The following PTP4A2 variants were observed in gnomAD, a reference collection of about 807,000 sequenced individuals.
PTP4A2 encodes protein tyrosine phosphatase 4A2, also known as protein tyrosine phosphatase type IVA 2.
A neutral mutation model predicts 22.9 loss-of-function variants in PTP4A2; 2 were observed. That is an observed-to-expected ratio of 0.09 (90% CI 0.04 to 0.27). PTP4A2 has a LOEUF of 0.27. PTP4A2 is among the 10% of genes least tolerant of loss of function. The pLI is 1.00. For missense variants in PTP4A2, 103 were observed against 205.1 expected, an observed-to-expected ratio of 0.50 and a Z score of 3.04; for synonymous variants, 68 against 69.1, an observed-to-expected ratio of 0.98 and a Z score of 0.08.
intron 1 of PTP4A2, chr1:31,921,625 G>C (rs767133406): frequency 2.6e-5 from 4 of 152,094 alleles, no homozygotes; most frequent in Non-Finnish European, 5.9e-5. Context: ...CTGGAAAAAG[G>C]GACAAAGCTT....
At chr1:31,928,201 A>G (rs962333538) in intron 1 of PTP4A2, among the ~76,000 whole-genome samples, 2 of 143,256 alleles carry the variant, frequency 1.4e-5, no homozygotes, top group African/African-American at 5.1e-5. Context: ...ACATATATTT[A>G]TATATTATAA....
At chr1:31,925,820 T>C (rs1425813159) in intron 1 of PTP4A2, among the ~76,000 whole-genome samples, 1 of 151,306 alleles carries the variant, frequency 6.6e-6, no homozygotes, top group Non-Finnish European at 1.5e-5. Context: ...CCTCATTTAA[T>C]TTAACCCAAT....
chr1:31,926,186 T>A (rs1652456707), intron 1 of PTP4A2, among the ~76,000 whole-genome samples: 1 of 147,790 alleles, frequency 6.8e-6, no homozygotes, highest in South Asian at 2.1e-4. Flanking sequence ...CTCCTATCAA[T>A]CCACTCACAT....
intron 1 of PTP4A2, among the ~76,000 whole-genome samples, chr1:31,932,462 G>A (rs1349493223): frequency 6.6e-6 from 1 of 152,150 alleles, no homozygotes; most frequent in African/African-American, 2.4e-5. Flanking sequence ...TTTAGTTTAG[G>A]CCACTTAAAA....
chr1:31,909,912 T>C, intron 5 of PTP4A2, 126 bp downstream of exon 5: 1 of 753,086 alleles, frequency 1.3e-6, no homozygotes, highest in South Asian at 1.8e-5. Context: ...TTTTACATCT[T>C]CAAATAATAC....
intron 1 of PTP4A2, 125 bp downstream of exon 1, chr1:31,937,862 C>T (rs1363296451): frequency 1.3e-5 from 2 of 152,454 alleles, no homozygotes; most frequent in Non-Finnish European, 2.9e-5. Flanking sequence ...CCGCCCCGGC[C>T]CGGCCCGGCC....
Position 31,915,901 on chromosome 1 carries a change from G to A in PTP4A2, c.183C>T (p.His61=), listed in dbSNP as rs781493862. The change falls in exon 3 of 6, where the codon CAC becomes CAT. Residue 61 remains histidine, a synonymous_variant. Coordinates refer to ENST00000647444, the MANE Select transcript of PTP4A2 (RefSeq NM_080391.4). ...TTAAATACTACACACTCACTAGAAC[G>A]TGGATTCCTTCTTTTTCAACTGGAG... ...DKAPVEKEGI[H]VLDWPFDDGA... 1.8e-5 allele frequency: 28 copies of A among 1,586,850 alleles called. No individual in the cohort carries two copies. The highest frequency in any genetic ancestry group is 2.3e-5 in the Non-Finnish European group (27 of 1,167,060).
At chr1:31,921,861 T>A (rs1448215659) in intron 1 of PTP4A2, 1 of 152,194 alleles carries the variant, frequency 6.6e-6, no homozygotes, top group African/African-American at 2.4e-5. Context: ...TTTTATTGTG[T>A]AAATTGCATA....
chr1:31,930,197 G>A (rs974455512), intron 1 of PTP4A2, among the ~76,000 whole-genome samples: 4 of 152,120 alleles, frequency 2.6e-5, no homozygotes, highest in African/African-American at 9.7e-5. Context: ...AATTAGCCGG[G>A]CGAGGTGGCG....
At chr1:31,937,098 G>A (rs1652967073) in intron 1 of PTP4A2, among the ~76,000 whole-genome samples, 1 of 152,164 alleles carries the variant, frequency 6.6e-6, no homozygotes, top group South Asian at 2.1e-4. Context: ...ACAGGCCAGA[G>A]TGTAGGATTT....
intron 1 of PTP4A2, chr1:31,933,058 G>T (rs908781575): frequency 1.3e-5 from 2 of 151,718 alleles, no homozygotes; most frequent in Non-Finnish European, 2.9e-5. Flanking sequence ...CTAGACTGCA[G>T]TGGCATAGTC....
At chr1:31,918,761 C>T (rs560622564) in intron 2 of PTP4A2, among the ~76,000 whole-genome samples, 1 of 152,198 alleles carries the variant, frequency 6.6e-6, no homozygotes, top group Admixed American at 6.5e-5. Context: ...GTAGAAAGAA[C>T]ACAGAGAAAA....
intron 1 of PTP4A2, among the ~76,000 whole-genome samples, chr1:31,936,027 G>A (rs981893416): frequency 7.9e-5 from 12 of 151,794 alleles, no homozygotes; most frequent in South Asian, 4.2e-4. Context: ...GGGCTCAAGC[G>A]ATCCTCCTGC....
intron 1 of PTP4A2, among the ~76,000 whole-genome samples, chr1:31,920,891 T>G (rs1229279805): frequency 6.6e-6 from 1 of 152,178 alleles, no homozygotes; most frequent in Non-Finnish European, 1.5e-5. Context: ...GCTTTGATGG[T>G]TAGGTCCTTC....
intron 2 of PTP4A2, 97 bp from the exon 3 acceptor site, chr1:31,916,084 G>C (rs941234397): frequency 2.7e-6 from 2 of 754,594 alleles, no homozygotes; most frequent in Non-Finnish European, 4.2e-6. Flanking sequence ...GGTGGTTCAC[G>C]CCTATAATCC....
At chr1:31,933,798 A>G (rs1652827307) in intron 1 of PTP4A2, 1 of 152,262 alleles carries the variant, frequency 6.6e-6, no homozygotes, top group African/African-American at 2.4e-5. Flanking sequence ...AGCTAAAAGA[A>G]TACTACTTAC....
At chr1:31,917,364 A>G (rs1379251483) in intron 2 of PTP4A2, among the ~76,000 whole-genome samples, 1 of 152,230 alleles carries the variant, frequency 6.6e-6, no homozygotes, top group Non-Finnish European at 1.5e-5. Context: ...TTTAATTGCT[A>G]AAGGACTTCA....
rs1224933169 is a variant in PTP4A2, at chr1:31,911,831, A to G, written c.190-5T>C. On this transcript the variant is annotated splice_polypyrimidine_tract_variant and splice_region_variant and intron_variant, in intron 3 of 5. Coordinates refer to ENST00000647444, the MANE Select transcript of PTP4A2 (RefSeq NM_080391.4). The stretch of plus-strand genomic sequence containing the variant: ...TCCATCATCAAATGGCCAATCCTGA[A>G]AAGAAATGACCTTTTACATTAAATT... The G allele has an allele frequency of 6.4e-7, 1 of 1,561,516 alleles. No homozygotes were observed. The highest frequency in any genetic ancestry group is 8.6e-7 in the Non-Finnish European group (1 of 1,157,698).
At chr1:31,934,322 C>T (rs1295595479) in intron 1 of PTP4A2, among the ~76,000 whole-genome samples, 1 of 152,134 alleles carries the variant, frequency 6.6e-6, no homozygotes, top group Non-Finnish European at 1.5e-5. Context: ...TTTTAAAGAT[C>T]CCATCTTCTA....
Sources: allele counts gnomAD v4.1 joint callset (sites outside exome capture counted in the v4.1 genomes callset), GRCh38; gene constraint gnomAD v4.1.1; transcripts MANE v1.5; gene names NCBI Gene and HGNC (gene_info 2026-07-23, HGNC 2026-07-21).